Variants in BTBD8 observed in about 807,000 individuals in gnomAD.
BTBD8 encodes the protein BTB/POZ domain-containing protein 8.
A neutral mutation model predicts 162.9 loss-of-function variants in BTBD8; 110 were observed. The ratio of observed to expected loss-of-function variants is 0.68; its 90% confidence interval spans 0.58 to 0.79. The LOEUF is 0.79. BTBD8 is among the 30% of genes least tolerant of loss of function. The pLI, the probability that BTBD8 is intolerant of heterozygous loss-of-function variation, is 0.00. For synonymous variants in BTBD8, 667 were observed against 716.1 expected (o/e 0.93, Z 1.10); for missense variants, 1,905 against 2,085.4 (o/e 0.91, Z 1.68).
chr1:92,182,675 TTA>T, intron 17 of BTBD8, 80 bp downstream of exon 17: 1 of 844,970 alleles, frequency 1.2e-6, no homozygotes, highest in Non-Finnish European at 1.7e-6. Flanking sequence ...GCCCTGAATG[TTA>T]TATTTTAGTC....
Position 92,145,842 on chromosome 1 carries a change from G to A in BTBD8, c.931-1338G>A, listed in dbSNP as rs181411277. On this transcript the variant is annotated intron_variant, in intron 7 of 17. Transcript: ENST00000636805. ...TAAAAATACAAAAAGTTAGCCAGGC[G>A]TGGTGGCAGGCGCCTGTAATCCCAG... Among the ~76,000 whole-genome samples the A allele has an allele frequency of 1.8e-3, 271 of 152,112 alleles. 4 individuals are homozygous for A. Among genetic ancestry groups the A allele is most frequent in the African/African-American group, 6.0e-3 (247 of 41,508 alleles).
chr1:92,175,540 A>G (rs1397710372), intron 13 of BTBD8, among the ~76,000 whole-genome samples: 1 of 148,512 alleles, frequency 6.7e-6, no homozygotes, highest in Non-Finnish European at 1.5e-5. Flanking sequence ...CATGCCTGTG[A>G]TCCTAGCACT....
At chr1:92,114,805 C>G (rs1003642292) in intron 4 of BTBD8, 1 of 294,230 alleles carries the variant, frequency 3.4e-6, no homozygotes, top group African/African-American at 2.2e-5. Context: ...GGGGATCTTA[C>G]TCTTTGGAGG....
chr1:92,119,301 T>G (rs1649129146), intron 4 of BTBD8, among the ~76,000 whole-genome samples: 1 of 150,278 alleles, frequency 6.7e-6, no homozygotes, highest in Non-Finnish European at 1.5e-5. Flanking sequence ...TTTTTTTTTT[T>G]TTGAGACAGG....
At chr1:92,123,954 G>A (rs3851273) in intron 4 of BTBD8, among the ~76,000 whole-genome samples, 95,466 of 151,562 alleles carry the variant, frequency 0.63, 30,567 homozygotes, top group East Asian at 0.97. Flanking sequence ...ATAAGGGCTT[G>A]TCTATTTCCT....
chr1:92,090,801 G>A (rs537352995), intron 2 of BTBD8, among the ~76,000 whole-genome samples: 2 of 152,188 alleles, frequency 1.3e-5, no homozygotes, highest in South Asian at 2.1e-4. Flanking sequence ...GCATGGTGGC[G>A]CATGCCTGTA....
intron 4 of BTBD8, among the ~76,000 whole-genome samples, chr1:92,113,700 A>G (rs145669664): frequency 2.2e-4 from 33 of 150,728 alleles, no homozygotes; most frequent in Non-Finnish European, 4.0e-4. Flanking sequence ...TGAAGCTATC[A>G]GTCATTATGC....
intron 13 of BTBD8, among the ~76,000 whole-genome samples, chr1:92,175,950 C>G (rs1650699500): frequency 2.0e-5 from 3 of 152,024 alleles, no homozygotes; most frequent in Admixed American, 2.0e-4. Flanking sequence ...ATCTTCAGTG[C>G]CATTTTATTT....
chr1:92,114,757 T>C, intron 4 of BTBD8: 1 of 202,014 alleles, frequency 5.0e-6, no homozygotes, highest in Non-Finnish European at 9.9e-6. Context: ...TGAACACTTC[T>C]CTCTTCCTCT....
At chr1:92,173,155 C>T (rs1286674364) in intron 13 of BTBD8, among the ~76,000 whole-genome samples, 1 of 152,204 alleles carries the variant, frequency 6.6e-6, no homozygotes, top group Non-Finnish European at 1.5e-5. Flanking sequence ...GAACTCCCGA[C>T]CTCAGGTGAT....
intron 9 of BTBD8, among the ~76,000 whole-genome samples, chr1:92,161,020 A>T (rs1191112246): frequency 1.3e-5 from 2 of 152,132 alleles, no homozygotes; most frequent in Non-Finnish European, 2.9e-5. Context: ...CTGGGATCTT[A>T]TGGTTTTCTT....
At chr1:92,126,830 C>T (rs925272523) in intron 4 of BTBD8, among the ~76,000 whole-genome samples, 7 of 151,938 alleles carry the variant, frequency 4.6e-5, no homozygotes, top group South Asian at 2.1e-4. Flanking sequence ...CATAACTTTC[C>T]GGTTTTAAGC....
intron 10 of BTBD8, 69 bp from the exon 11 acceptor site, chr1:92,167,779 G>T: frequency 2.4e-6 from 3 of 1,255,472 alleles, no homozygotes; most frequent in Non-Finnish European, 3.3e-6. Flanking sequence ...GATCTGTTAC[G>T]CCAGACTTTC....
intron 4 of BTBD8, among the ~76,000 whole-genome samples, chr1:92,120,189 G>T (rs536456783): frequency 6.6e-6 from 1 of 152,156 alleles, no homozygotes; most frequent in South Asian, 2.1e-4. Context: ...ACCGCGCCTG[G>T]CCTATACGCT....
chr1:92,163,340 G>C (rs1353487497), intron 9 of BTBD8, among the ~76,000 whole-genome samples: 76 of 14,450 alleles, frequency 5.3e-3, no homozygotes, highest in Admixed American at 9.9e-3. Context: ...GGGCAACAGA[G>C]AGAGATTCTG....
rs1162524482 is a variant in BTBD8, at chr1:92,137,705, A to G, written c.753-1645A>G. On this transcript the variant is annotated intron_variant, in intron 5 of 17. Transcript: ENST00000636805. Reference sequence around the variant, plus strand: ...TCCCTTATCTGAAATGCTTGGGATCAGAGTGTTTCAGATTTTTTCAGATCT... The same window carrying G: ...TCCCTTATCTGAAATGCTTGGGATCGGAGTGTTTCAGATTTTTTCAGATCT... Among the ~76,000 whole-genome samples, 4 of 152,224 alleles carry G rather than the reference A, an allele frequency of 2.6e-5. No homozygotes were observed. The South Asian group carries it at 6.2e-4, about 24-fold the overall frequency.
At chr1:92,106,889 A>C (rs576335594) in intron 3 of BTBD8, among the ~76,000 whole-genome samples, 1 of 152,072 alleles carries the variant, frequency 6.6e-6, no homozygotes, top group South Asian at 2.1e-4. Context: ...CAGCCTGGGC[A>C]ACATAAGGAG....
intron 5 of BTBD8, among the ~76,000 whole-genome samples, chr1:92,133,106 A>G (rs1395669648): frequency 3.3e-5 from 5 of 152,184 alleles, no homozygotes; most frequent in African/African-American, 9.7e-5. Context: ...TTGTATATTG[A>G]AACAATACAC....
intron 4 of BTBD8, chr1:92,115,328 C>G: frequency 2.2e-6 from 1 of 452,674 alleles, no homozygotes; most frequent in Admixed American, 2.6e-5. Flanking sequence ...ATGATCTTGA[C>G]CAGGGAGCTA....
Sources: gnomAD v4.1 joint callset for allele counts (sites outside exome capture counted in the v4.1 genomes callset) on GRCh38, gnomAD v4.1.1 for gene constraint, MANE v1.5 for transcripts, NCBI Gene and HGNC (gene_info 2026-07-23, HGNC 2026-07-21) for gene names.